Variants in DRC8 observed in about 807,000 individuals in gnomAD.
DRC8 encodes the protein dynein regulatory complex subunit 8.
At chr1:245,044,740 G>A in the DRC8 span, among the ~76,000 whole-genome samples, 1 of 151,474 alleles carries the variant, frequency 6.6e-6, no homozygotes, top group East Asian at 1.9e-4. Flanking sequence ...CTATTTGTGT[G>A]TGTGTGTTTG....
chr1:245,106,280 C>T, the DRC8 span, among the ~76,000 whole-genome samples: 2 of 152,162 alleles, frequency 1.3e-5, no homozygotes, highest in Non-Finnish European at 2.9e-5. Context: ...CACAGTGAAT[C>T]TCTCTGGGAG....
At chr1:245,105,796 G>T in the DRC8 span, among the ~76,000 whole-genome samples, 1 of 152,048 alleles carries the variant, frequency 6.6e-6, no homozygotes, top group Non-Finnish European at 1.5e-5. Flanking sequence ...TGCATTTTTG[G>T]CTGGATGCTG....
chr1:245,097,479 C>T, the DRC8 span, among the ~76,000 whole-genome samples: 3 of 151,560 alleles, frequency 2.0e-5, no homozygotes, highest in Admixed American at 2.0e-4. This position sits in a 1 kb window ranked among gnomAD's most constrained non-coding sequence, Gnocchi z 5.0. Context: ...GATTATGCCA[C>T]TGTACTCCAG....
the DRC8 span, among the ~76,000 whole-genome samples, chr1:245,073,252 C>T: frequency 2.6e-5 from 4 of 152,148 alleles, no homozygotes; most frequent in South Asian, 8.3e-4. Flanking sequence ...TCTTCTGCCT[C>T]AGCCTCCCGA....
the DRC8 span, among the ~76,000 whole-genome samples, chr1:245,102,293 C>T: frequency 1.3e-5 from 2 of 152,084 alleles, no homozygotes; most frequent in African/African-American, 2.4e-5. Flanking sequence ...GTGTACAGAA[C>T]CTCTGAATCC....
the DRC8 span, among the ~76,000 whole-genome samples, chr1:245,050,180 T>A: frequency 6.6e-6 from 1 of 152,206 alleles, no homozygotes; most frequent in Non-Finnish European, 1.5e-5. Context: ...TTAATCTACT[T>A]TTCTCCCATT....
the DRC8 span, among the ~76,000 whole-genome samples, chr1:245,073,127 A>C: frequency 6.6e-6 from 1 of 152,162 alleles, no homozygotes; most frequent in Non-Finnish European, 1.5e-5. Flanking sequence ...ATGTAGCTCT[A>C]TTAATTTTTT....
At chr1:245,071,323 G>A in the DRC8 span, among the ~76,000 whole-genome samples, 2 of 152,178 alleles carry the variant, frequency 1.3e-5, no homozygotes, top group East Asian at 3.9e-4. Context: ...TGTAGAGAGA[G>A]CCTCAATCTT....
At chr1:245,013,459 C>G in the DRC8 span, among the ~76,000 whole-genome samples, 2 of 152,122 alleles carry the variant, frequency 1.3e-5, no homozygotes, top group East Asian at 3.9e-4. Context: ...CTTGCTAGTT[C>G]AACTGTGTTC....
At chr1:245,087,024 G>A in the DRC8 span, 2 of 638,102 alleles carry the variant, frequency 3.1e-6, no homozygotes, top group Non-Finnish European at 5.4e-6. Context: ...CTTGATCTAT[G>A]ACATCTGCAG....
the DRC8 span, among the ~76,000 whole-genome samples, chr1:245,076,064 C>A: frequency 6.6e-6 from 1 of 152,216 alleles, no homozygotes; most frequent in Non-Finnish European, 1.5e-5. Flanking sequence ...TATTTAATTG[C>A]CACATTCCAC....
chr1:245,015,433 G>A, the DRC8 span, among the ~76,000 whole-genome samples: 9 of 152,052 alleles, frequency 5.9e-5, no homozygotes, highest in South Asian at 6.2e-4. Context: ...AGAATCTGCC[G>A]GGCGCGGTGG....
the DRC8 span, among the ~76,000 whole-genome samples, chr1:245,098,196 A>C: frequency 1.5e-4 from 23 of 152,298 alleles, no homozygotes; most frequent in African/African-American, 5.1e-4. Context: ...CTCAGCAACG[A>C]CATACTATTC....
the DRC8 span, among the ~76,000 whole-genome samples, chr1:245,105,124 T>G: frequency 6.6e-6 from 1 of 152,182 alleles, no homozygotes; most frequent in African/African-American, 2.4e-5. Flanking sequence ...AAGTTCAGTT[T>G]TGTTTTTGTT....
chr1:244,981,904 A>G, the DRC8 span, among the ~76,000 whole-genome samples: 1 of 152,176 alleles, frequency 6.6e-6, no homozygotes, highest in Non-Finnish European at 1.5e-5. Flanking sequence ...GTCTTATCTC[A>G]ACGGATGGAA....
At chr1:245,001,935 TACTC>T in the DRC8 span, among the ~76,000 whole-genome samples, 1 of 152,230 alleles carries the variant, frequency 6.6e-6, no homozygotes, top group African/African-American at 2.4e-5. Context: ...CTTACTGACT[TACTC>T]TTCTTTGAGG....
At chr1:244,970,739 T>G in the DRC8 span, 2 of 461,074 alleles carry the variant, frequency 4.3e-6, no homozygotes, top group South Asian at 3.2e-5. Context: ...TTCTTTCTCC[T>G]CCCGCCCTCT....
chr1:245,041,397 T>C, the DRC8 span, among the ~76,000 whole-genome samples: 1 of 152,144 alleles, frequency 6.6e-6, no homozygotes, highest in Admixed American at 6.5e-5. Context: ...GCATTACATG[T>C]TATGATTTTC....
chr1:245,070,126 G>C, the DRC8 span, among the ~76,000 whole-genome samples: 1 of 152,184 alleles, frequency 6.6e-6, no homozygotes, highest in African/African-American at 2.4e-5. Flanking sequence ...ATATGAGGAA[G>C]TTGAGTATTT....
Sources: allele counts gnomAD v4.1 joint callset (sites outside exome capture counted in the v4.1 genomes callset), GRCh38; gene constraint gnomAD v4.1.1; non-coding constraint Gnocchi (gnomAD v3.1); transcripts MANE v1.5; gene names NCBI Gene and HGNC (gene_info 2026-07-23, HGNC 2026-07-21).